KAZN: variants seen among roughly 807,000 people sequenced by gnomAD.
KAZN encodes the protein kazrin.
In KAZN, 40 loss-of-function variants were observed where a neutral mutation model predicts 87.4. That is an observed-to-expected ratio of 0.46 (90% CI 0.36 to 0.60). KAZN has a LOEUF of 0.60. Among genes scored for constraint, KAZN ranks in the 20% least tolerant of loss-of-function variants. The pLI is 0.00. For synonymous variants in KAZN, 466 were observed against 458.3 expected, an observed-to-expected ratio of 1.02 and a Z score of -0.22; for missense variants, 898 against 1,073.9, an observed-to-expected ratio of 0.84 and a Z score of 2.29.
At chr1:14,195,470 C>T (rs1481938777) in intron 2 of KAZN, among the ~76,000 whole-genome samples, 1 of 149,848 alleles carries the variant, frequency 6.7e-6, no homozygotes, top group Non-Finnish European at 1.5e-5. Flanking sequence ...CTAAACAAAA[C>T]CAGAAAATCA....
intron 1 of KAZN, among the ~76,000 whole-genome samples, chr1:14,078,629 C>A (rs1459489653): frequency 6.6e-6 from 1 of 152,166 alleles, no homozygotes; most frequent in East Asian, 1.9e-4. Flanking sequence ...TCATAGACGG[C>A]GCCTTCTCAC....
chr1:14,289,578 G>A (rs1452169862), intron 2 of KAZN, among the ~76,000 whole-genome samples: 1 of 151,530 alleles, frequency 6.6e-6, no homozygotes, highest in Non-Finnish European at 1.5e-5. Context: ...CTATGTCTCT[G>A]CACATAAGAT....
At chr1:14,700,009 G>A (rs1180129276) in intron 1 of KAZN, among the ~76,000 whole-genome samples, 1 of 152,162 alleles carries the variant, frequency 6.6e-6, no homozygotes, top group East Asian at 1.9e-4. Flanking sequence ...GAATAAGTAT[G>A]GTGCGTTCAA....
chr1:14,916,796 C>G (rs1657864210), intron 1 of KAZN, among the ~76,000 whole-genome samples: 4 of 151,948 alleles, frequency 2.6e-5, no homozygotes, highest in Admixed American at 2.6e-4. Flanking sequence ...CACCTGTGGT[C>G]CTAGGTACTT....
At chr1:14,815,286 C>T (rs1646528019) in intron 1 of KAZN, among the ~76,000 whole-genome samples, 1 of 152,138 alleles carries the variant, frequency 6.6e-6, no homozygotes, top group South Asian at 2.1e-4. Context: ...AAATTTGCCC[C>T]TTCTGGGTGC....
At position 14,795,563 on chromosome 1, in the gene KAZN, C is replaced by T. The variant is rs1421776349; in HGVS notation, c.227-165121C>T. 2.6e-5 allele frequency among the ~76,000 whole-genome samples: 4 copies of T among 151,896 alleles called. 1 individual carries two copies. In the East Asian group the frequency reaches 5.8e-4, roughly 22 times the overall value. On this transcript the variant is annotated intron_variant, in intron 1 of 14. Coordinates refer to ENST00000376030, the MANE Select transcript of KAZN (RefSeq NM_201628.3). Reference sequence around the variant, plus strand: ...TTATTTTCAAATTCAGGCTTCATGGCGTCCTCCAAATGCATGCTCTTTCCC... The same window carrying T: ...TTATTTTCAAATTCAGGCTTCATGGTGTCCTCCAAATGCATGCTCTTTCCC...
At chr1:14,801,676 T>TTGTTTTTG (rs1553134290) in intron 1 of KAZN, among the ~76,000 whole-genome samples, 6 of 146,600 alleles carry the variant, frequency 4.1e-5, no homozygotes, top group African/African-American at 1.5e-4. Flanking sequence ...GTTTTTTTTG[T>TTGTTTTTG]TTTTTTTGTT....
intron 1 of KAZN, among the ~76,000 whole-genome samples, chr1:14,827,050 C>T (rs1405725452): frequency 7.9e-5 from 12 of 152,150 alleles, no homozygotes; most frequent in Non-Finnish European, 1.6e-4. Context: ...CGGGAGGCTG[C>T]GCACATCAGG....
intron 2 of KAZN, among the ~76,000 whole-genome samples, chr1:14,248,174 T>A (rs1274387792): frequency 6.6e-6 from 1 of 152,190 alleles, no homozygotes; most frequent in African/African-American, 2.4e-5. Context: ...AACCGTGGGC[T>A]TTGTGTTTGA....
intron 1 of KAZN, among the ~76,000 whole-genome samples, chr1:14,027,306 T>A (rs1040238717): frequency 2.0e-5 from 3 of 152,154 alleles, no homozygotes; most frequent in Admixed American, 2.0e-4. Context: ...TGGCTTCCCT[T>A]GGAAGCCTAA....
intron 1 of KAZN, among the ~76,000 whole-genome samples, chr1:14,020,204 G>C (rs1640760195): frequency 6.6e-6 from 1 of 152,160 alleles, no homozygotes; most frequent in Non-Finnish European, 1.5e-5. Flanking sequence ...TCAAGCAATG[G>C]GGAGCGGCTG....
intron 1 of KAZN, among the ~76,000 whole-genome samples, chr1:14,135,409 C>T (rs540123589): frequency 2.5e-4 from 38 of 152,298 alleles, no homozygotes; most frequent in African/African-American, 8.9e-4. Context: ...GACATTCTTC[C>T]TGGACTTGCA....
intron 13 of KAZN, among the ~76,000 whole-genome samples, chr1:15,109,865 ATGTG>A (rs146869890): frequency 0.052 from 7,692 of 149,344 alleles, 219 homozygotes; most frequent in Middle Eastern, 0.067. Flanking sequence ...GCGTGTATAT[ATGTG>A]TGTATGTGCA....
intron 2 of KAZN, among the ~76,000 whole-genome samples, chr1:15,019,500 T>A (rs72869607): frequency 6.6e-6 from 1 of 152,200 alleles, no homozygotes; most frequent in African/African-American, 2.4e-5. Flanking sequence ...GCAATTCTTG[T>A]GCCTCGGCCT....
intron 8 of KAZN, among the ~76,000 whole-genome samples, chr1:15,070,934 T>C (rs1212274599): frequency 6.6e-6 from 1 of 152,236 alleles, no homozygotes; most frequent in Admixed American, 6.5e-5. Context: ...CTTTTTCCAG[T>C]TGGACTCCAC....
At chr1:14,650,613 GTA>G (rs1163752721) in intron 1 of KAZN, among the ~76,000 whole-genome samples, 1 of 152,200 alleles carries the variant, frequency 6.6e-6, no homozygotes, top group African/African-American at 2.4e-5. Flanking sequence ...TTCTGATACT[GTA>G]TATGAGAATG....
At chr1:14,818,332 TG>T in intron 1 of KAZN, among the ~76,000 whole-genome samples, 1 of 152,218 alleles carries the variant, frequency 6.6e-6, no homozygotes, top group Non-Finnish European at 1.5e-5. Flanking sequence ...CCACTAAAAC[TG>T]GGTGATCTGA....
chr1:14,838,921 C>T (rs1455431660), intron 1 of KAZN, among the ~76,000 whole-genome samples: 3 of 152,160 alleles, frequency 2.0e-5, no homozygotes, highest in Non-Finnish European at 4.4e-5. Context: ...CGCACCTGGC[C>T]CTGATTCTTA....
intron 2 of KAZN, among the ~76,000 whole-genome samples, chr1:14,467,166 C>A (rs1050421006): frequency 4.6e-5 from 7 of 151,706 alleles, no homozygotes; most frequent in Admixed American, 1.3e-4. Flanking sequence ...ATTTGTATGA[C>A]ATTAACAGCA....
Sources: gnomAD v4.1 joint callset for allele counts (sites outside exome capture counted in the v4.1 genomes callset) on GRCh38, gnomAD v4.1.1 for gene constraint, MANE v1.5 for transcripts, NCBI Gene and HGNC (gene_info 2026-07-23, HGNC 2026-07-21) for gene names.